Variants in ACAD11 observed in about 807,000 individuals in gnomAD.
ACAD11 encodes acyl-CoA dehydrogenase family member 11, also known as acyl-Coenzyme A dehydrogenase family, member 11.
A neutral mutation model predicts 102.2 loss-of-function variants in ACAD11; 83 were observed. The ratio of observed to expected loss-of-function variants is 0.81; its 90% CI spans 0.68 to 0.97. The LOEUF is 0.97. ACAD11 is among the 50% of genes least tolerant of loss of function. The pLI is 0.00. For synonymous variants in ACAD11, 324 were observed against 319.8 expected, an observed-to-expected ratio of 1.01 and a Z score of -0.14; for missense variants, 901 against 951.7, an observed-to-expected ratio of 0.95 and a Z score of 0.70.
In ACAD11 at chr3:132,628,460, T is replaced by A; in HGVS notation, c.964-14A>T. On this transcript the variant is annotated splice_polypyrimidine_tract_variant and intron_variant, in intron 7 of 19. Transcript: ENST00000264990. The stretch of plus-strand genomic sequence containing the variant: ...GCTATATACTCCCTATAAATAAACA[T>A]AGAACAATTAAAATTCATTGAAAAC... The A allele has an allele frequency of 1.3e-6, 2 of 1,527,660 alleles. No individual in the cohort carries two copies. The highest frequency in any genetic ancestry group is 1.8e-6 in the Non-Finnish European group (2 of 1,120,060). 94.6% of individuals were successfully genotyped at this position (1,527,660 alleles called of 1,614,324 possible).
At chr3:132,626,022 A>T (rs576678362) in intron 9 of ACAD11, among the ~76,000 whole-genome samples, 17 of 152,164 alleles carry the variant, frequency 1.1e-4, no homozygotes, top group Non-Finnish European at 2.5e-4. Flanking sequence ...ATATTTTTGT[A>T]AAAGCTTTTA....
intron 13 of ACAD11, among the ~76,000 whole-genome samples, chr3:132,584,533 T>C (rs1479450052): frequency 6.6e-6 from 1 of 152,216 alleles, no homozygotes; most frequent in Non-Finnish European, 1.5e-5. Flanking sequence ...TCTGTGTCTT[T>C]CAATTGGAGC....
At chr3:132,598,712 A>C (rs995363385) in intron 13 of ACAD11, among the ~76,000 whole-genome samples, 3 of 152,214 alleles carry the variant, frequency 2.0e-5, no homozygotes, top group African/African-American at 7.2e-5. Flanking sequence ...ATGTAGACAG[A>C]TGCTGCTGCA....
At chr3:132,590,157 T>C (rs990013581) in intron 13 of ACAD11, among the ~76,000 whole-genome samples, 1 of 152,244 alleles carries the variant, frequency 6.6e-6, no homozygotes, top group African/African-American at 2.4e-5. Flanking sequence ...GCAATGAACA[T>C]TCACATGCAT....
rs756771753 is a variant in ACAD11 at position 132,626,823 on chromosome 3, C to T, written c.1071-6G>A. 1.9e-6 allele frequency: 3 copies of T among 1,593,192 alleles called. No individual in the cohort carries two copies. The highest frequency in any genetic ancestry group is 1.8e-5 in the Admixed American group (1 of 54,632). ...GTAGTACAGTACTGAAAGTTCTTTG[C>T]CAAAAGAAAAAAGGAAAAAAAGGTT... On this transcript the variant is annotated splice_polypyrimidine_tract_variant and splice_region_variant and intron_variant, in intron 8 of 19. Coordinates refer to ENST00000264990, the MANE Select transcript of ACAD11 (RefSeq NM_032169.5).
intron 13 of ACAD11, among the ~76,000 whole-genome samples, chr3:132,584,205 T>C (rs1025444866): frequency 6.6e-6 from 1 of 152,220 alleles, no homozygotes. Context: ...AGTCTCTTTG[T>C]AGGTCTCTAA....
At position 132,618,806 on chromosome 3, in the gene ACAD11, A is replaced by G. The variant is rs200532537; in HGVS notation, c.1276-34T>C. 1.1e-4 allele frequency: 172 copies of G among 1,501,980 alleles called. 1 individual carries two copies. The highest frequency in any genetic ancestry group is 5.3e-4 in the Middle Eastern group (3 of 5,628). 93.0% of individuals were successfully genotyped at this position (1,501,980 alleles called of 1,614,324 possible). On this transcript the variant is annotated intron_variant, in intron 10 of 19. Coordinates refer to ENST00000264990, the MANE Select transcript of ACAD11 (RefSeq NM_032169.5). ...GTGATGAACATGCCAGAGTGACCAT[A>G]ATTTACCAGGACTCACAGTAGTTTA...
Position 132,641,593 on chromosome 3 carries a change from A to G in ACAD11, c.537+379T>C, listed in dbSNP as rs140262698. ...AAGAAGAAGAAGAAGAAGAAGAAGA[A>G]GAAGAAGAAGAGGAGGAAGAAGAGG... On this transcript the variant is annotated intron_variant, in intron 4 of 19. Transcript: ENST00000264990. Among the ~76,000 whole-genome samples the G allele has an allele frequency of 9.2e-3, 1,068 of 116,686 alleles. 12 individuals carry two copies. The highest frequency in any genetic ancestry group is 0.026 in the African/African-American group (736 of 28,690). 76.6% of individuals were successfully genotyped at this position (116,686 alleles called of 152,430 possible).
intron 16 of ACAD11, 46 bp from the exon 17 acceptor site, chr3:132,575,972 C>T: frequency 6.3e-7 from 1 of 1,597,524 alleles, no homozygotes; most frequent in Non-Finnish European, 8.6e-7. Flanking sequence ...AATGGCCTAG[C>T]CCATTCCTTT....
At chr3:132,608,553 T>C (rs1484160015) in intron 11 of ACAD11, among the ~76,000 whole-genome samples, 1 of 152,048 alleles carries the variant, frequency 6.6e-6, no homozygotes, top group Non-Finnish European at 1.5e-5. Context: ...AGAAGGACAT[T>C]ACATAATGGT....
rs1213150366 is a variant in ACAD11, at chr3:132,627,452, A to G, written c.1071-635T>C. Among the ~76,000 whole-genome samples the G allele has an allele frequency of 2.0e-5, 3 of 152,348 alleles. No individual in the cohort carries two copies. In the East Asian group the frequency reaches 5.8e-4, roughly 29 times the overall value. On this transcript the variant is annotated intron_variant, in intron 8 of 19. Transcript: ENST00000264990. Reference sequence around the variant, plus strand: ...TGAAGTCACCCGTCAGAATCTCCAGAAGAAAAAGCAAAGAAGTTGAATTGA... The same window carrying G: ...TGAAGTCACCCGTCAGAATCTCCAGGAGAAAAAGCAAAGAAGTTGAATTGA...
chr3:132,657,434 A>G (rs1439170659), intron 1 of ACAD11, among the ~76,000 whole-genome samples: 1 of 152,226 alleles, frequency 6.6e-6, no homozygotes, highest in Non-Finnish European at 1.5e-5. Flanking sequence ...GCTCTTACAC[A>G]TAAAATTTAG....
intron 8 of ACAD11, among the ~76,000 whole-genome samples, chr3:132,627,954 G>A (rs1182495441): frequency 6.6e-6 from 1 of 152,114 alleles, no homozygotes; most frequent in African/African-American, 2.4e-5. Context: ...TGAAATGTCT[G>A]AATATAACTT....
chr3:132,621,026 T>C (rs1004771885), intron 9 of ACAD11: 29 of 152,192 alleles, frequency 1.9e-4, no homozygotes, highest in African/African-American at 6.3e-4. Context: ...AAGGCAAATA[T>C]GAGTGGTAAA....
intron 17 of ACAD11, among the ~76,000 whole-genome samples, chr3:132,570,458 T>G (rs1937342485): frequency 6.6e-6 from 1 of 152,176 alleles, no homozygotes; most frequent in Non-Finnish European, 1.5e-5. Flanking sequence ...GTTTTCCAGA[T>G]TATATTTACA....
intron 17 of ACAD11, among the ~76,000 whole-genome samples, chr3:132,572,869 C>T (rs142823397): frequency 6.6e-6 from 1 of 152,302 alleles, no homozygotes; most frequent in Non-Finnish European, 1.5e-5. Flanking sequence ...ACCTTCCTTA[C>T]ATCTTAGCCA....
intron 4 of ACAD11, among the ~76,000 whole-genome samples, chr3:132,641,134 A>G (rs73002016): frequency 0.013 from 1,973 of 152,310 alleles, 42 homozygotes; most frequent in African/African-American, 0.044. Context: ...AAAAATGACC[A>G]TAAGTTCCTG....
At chr3:132,603,394 G>GAA in intron 12 of ACAD11, 67 bp from the exon 13 acceptor site, 1 of 1,408,786 alleles carries the variant, frequency 7.1e-7, no homozygotes, top group East Asian at 2.3e-5. Flanking sequence ...ATAAGGATAT[G>GAA]AAAACTTTAA....
Position 132,644,877 on chromosome 3 carries a change from T to C in ACAD11, c.169A>G (p.Thr57Ala). ...TGAAAGCCCTTCTGGAGATAAAAGG[T>C]TGGATTGGACTTTCCTGCTCTAGAT... is the stretch of plus-strand genomic sequence containing the variant. ...AQYRAGKSNPTFYLQKGFQTY... is the reference protein window; with the variant it reads ...AQYRAGKSNPAFYLQKGFQTY... Residue 57 changes from threonine to alanine, a missense_variant, in exon 2 of 20, where the codon ACC (threonine) becomes GCC (alanine). Coordinates refer to ENST00000264990, the MANE Select transcript of ACAD11 (RefSeq NM_032169.5). 1.2e-6 allele frequency: 2 copies of C among 1,609,936 alleles called. No homozygotes were observed. The highest frequency in any genetic ancestry group is 1.7e-6 in the Non-Finnish European group (2 of 1,178,424).
Sources: allele counts gnomAD v4.1 joint callset (sites outside exome capture counted in the v4.1 genomes callset), GRCh38; gene constraint gnomAD v4.1.1; transcripts MANE v1.5; gene names NCBI Gene and HGNC (gene_info 2026-07-23, HGNC 2026-07-21).